MAD2L2: variants seen among roughly 807,000 people sequenced by gnomAD.
The protein encoded by MAD2L2 is mitotic arrest deficient 2 like 2, also known as mitotic spindle assembly checkpoint protein MAD2B.
Under a neutral mutation model 30.5 loss-of-function variants are expected in MAD2L2, and 17 were observed. That is an observed-to-expected ratio of 0.56 (90% CI 0.38 to 0.84). MAD2L2 has a LOEUF of 0.84. MAD2L2 is among the 40% of genes least tolerant of loss of function. The probability of loss-of-function intolerance (pLI) is 0.00; values close to 1 mark genes in which losing one functional copy is unlikely to be tolerated. For synonymous variants in MAD2L2, 101 were observed against 113.9 expected, an observed-to-expected ratio of 0.89 and a Z score of 0.72; for missense variants, 213 against 277.4, an observed-to-expected ratio of 0.77 and a Z score of 1.65.
chr1:11,676,334 C>G (rs1205077461), intron 5 of MAD2L2, among the ~76,000 whole-genome samples, 194 bp from the exon 6 acceptor site: 1 of 152,126 alleles, frequency 6.6e-6, no homozygotes, highest in Non-Finnish European at 1.5e-5. Context: ...CCAGCCCCAC[C>G]CCAGATAAAG....
upstream of MAD2L2, among the ~76,000 whole-genome samples, chr1:11,683,092 T>C (rs1301368157): frequency 5.9e-5 from 9 of 152,134 alleles, no homozygotes; most frequent in East Asian, 1.7e-3. Context: ...GGCAACTCCT[T>C]GCAAAGGAGC....
rs1451831604 is a variant in MAD2L2, at chr1:11,674,847, G to T, written c.595-31C>A. On this transcript the variant is annotated intron_variant, in intron 8 of 8. Coordinates refer to ENST00000376692, the MANE Select transcript of MAD2L2 (RefSeq NM_006341.4). The surrounding 1 kb of genome is among the most constrained non-coding windows in gnomAD (Gnocchi z 6.1). Reference sequence around the variant, plus strand: ...GGACACAAGCAAACAGCCACAGTCAGCAAGACAGCCAGGGCATCCCTGCTG... The same window carrying T: ...GGACACAAGCAAACAGCCACAGTCATCAAGACAGCCAGGGCATCCCTGCTG... 2 of 1,612,708 alleles carry T rather than the reference G, an allele frequency of 1.2e-6. No homozygotes were observed. The highest frequency in any genetic ancestry group is 1.7e-6 in the Non-Finnish European group (2 of 1,179,284).
chr1:11,675,206 G>A (rs377086913), intron 7 of MAD2L2, 32 bp from the exon 8 acceptor site: 108 of 1,484,358 alleles, frequency 7.3e-5, no homozygotes, highest in East Asian at 3.7e-4. Flanking sequence ...GGGGGGTGAC[G>A]GGGCTGGGCC....
upstream of MAD2L2, among the ~76,000 whole-genome samples, chr1:11,682,466 C>T (rs1016148506): frequency 7.5e-5 from 10 of 132,898 alleles, no homozygotes; most frequent in Admixed American, 4.1e-4. Context: ...CCCCCTGATG[C>T]CTTCAAACCT....
At chr1:11,681,168 T>C (rs927664903), upstream of MAD2L2, 1 of 152,148 alleles carries the variant, frequency 6.6e-6, no homozygotes, top group Non-Finnish European at 1.5e-5. Flanking sequence ...GGCGCTCCGG[T>C]GGGTCCTAGC....
chr1:11,680,875 A>C, intron 1 of MAD2L2, 164 bp downstream of exon 1: 3 of 928,652 alleles, frequency 3.2e-6, no homozygotes, highest in Non-Finnish European at 4.2e-6. Context: ...GTGCCCCCGA[A>C]AAGGGCAGGG....
In MAD2L2 at chr1:11,687,354, C is replaced by T. The variant is rs553673680; in HGVS notation, c.-692+4059G>A. Among the ~76,000 whole-genome samples, 8 of 152,332 alleles carry T rather than the reference C, an allele frequency of 5.3e-5. No homozygotes were observed. The South Asian group carries it at 1.7e-3, about 32-fold the overall frequency. ...TCCCCGATTCAAGCGATTCTCCTGCCTCAGCCTCCCGAGTAGCTGGGACTA... is the reference window on the plus strand; with the variant it reads ...TCCCCGATTCAAGCGATTCTCCTGCTTCAGCCTCCCGAGTAGCTGGGACTA... On this transcript the variant is annotated intron_variant, in intron 1 of 10. Coordinates refer to the MAD2L2 transcript ENST00000235310. This position sits in a 1 kb window ranked among gnomAD's most constrained non-coding sequence, Gnocchi z 4.1.
At position 11,688,148 on chromosome 1, in the gene MAD2L2, G is replaced by A. The variant is rs766674979; in HGVS notation, c.-692+3265C>T. 4.6e-5 allele frequency among the ~76,000 whole-genome samples: 7 copies of A among 152,138 alleles called. No individual in the cohort carries two copies. The highest frequency in any genetic ancestry group is 2.0e-4 in the Admixed American group (3 of 15,264). Reference sequence around the variant, plus strand: ...TATCCTTGGCGACGCAAATCATGCTGGCTGCACACTGCCCCCTCTCCCAGG... The same window carrying A: ...TATCCTTGGCGACGCAAATCATGCTAGCTGCACACTGCCCCCTCTCCCAGG... On this transcript the variant is annotated intron_variant, in intron 1 of 10. Transcript: ENST00000235310. This position sits in a 1 kb window ranked among gnomAD's most constrained non-coding sequence, Gnocchi z 4.6.
In MAD2L2 at chr1:11,687,890, T is replaced by C. The variant is rs1640987015; in HGVS notation, c.-692+3523A>G. ...TCAGTTGATGAATATTGGAGCCTGC[T>C]TTGGCCCCTCAAGTACCTCATTTTA... On this transcript the variant is annotated intron_variant, in intron 1 of 10. Transcript: ENST00000235310. The surrounding 1 kb of genome is among the most constrained non-coding windows in gnomAD (Gnocchi z 4.1). 6.6e-6 allele frequency among the ~76,000 whole-genome samples: 1 copy of C among 152,210 alleles called. No individual in the cohort carries two copies. The highest frequency in any genetic ancestry group is 2.4e-5 in the African/African-American group (1 of 41,450).
In MAD2L2 at chr1:11,676,848, C is replaced by G. The variant is rs762759848; in HGVS notation, c.332G>C (p.Ser111Thr). 2 of 1,613,632 alleles carry G rather than the reference C, an allele frequency of 1.2e-6. No individual in the cohort carries two copies. Among genetic ancestry groups the G allele is most frequent in the East Asian group, 4.5e-5 (2 of 44,880 alleles). Residue 111 changes from serine to threonine, a missense_variant and splice_region_variant, in exon 5 of 9, where the codon AGC (serine) becomes ACC (threonine). Physicochemically the swap from Ser to Thr is moderately conservative, Grantham distance 58. Coordinates refer to ENST00000376692, the MANE Select transcript of MAD2L2 (RefSeq NM_006341.4). ...TGGGCGAGGGGCAGGGGCAGCCCAC[C>G]TGATGGACAGCAGTGGAGGCTGGGT... Reference protein sequence around the residue: ...EITQPPLLSISSDSLLSHVEQ... With the variant: ...EITQPPLLSITSDSLLSHVEQ...
In MAD2L2 at chr1:11,680,476, A is replaced by G. The variant is rs747106512; in HGVS notation, c.41-5T>C. ...CGCAGAGCACATCGGCCACCACTGC[A>G]GGGGGGCACAAGCCGGTGGCGCGCT... On this transcript the variant is annotated splice_polypyrimidine_tract_variant and splice_region_variant and intron_variant, in intron 2 of 8. Coordinates refer to ENST00000376692, the MANE Select transcript of MAD2L2 (RefSeq NM_006341.4). The G allele has an allele frequency of 1.2e-6, 2 of 1,608,008 alleles. No individual in the cohort carries two copies. The highest frequency in any genetic ancestry group is 1.7e-6 in the Non-Finnish European group (2 of 1,177,814).
Position 11,688,517 on chromosome 1 carries a change from C to T in MAD2L2, c.-692+2896G>A, listed in dbSNP as rs554569908. Among the ~76,000 whole-genome samples, 14 of 151,794 alleles carry T rather than the reference C, an allele frequency of 9.2e-5. No homozygotes were observed. Among genetic ancestry groups the T allele is most frequent in the African/African-American group, 2.4e-5 (1 of 41,358 alleles). Reference sequence around the variant, plus strand: ...CAGAGGTTGCAGTGAGCCAAGATCGCGCCACTGCACTCCAGCCTGGACAAC... The same window carrying T: ...CAGAGGTTGCAGTGAGCCAAGATCGTGCCACTGCACTCCAGCCTGGACAAC... On this transcript the variant is annotated intron_variant, in intron 1 of 10. Coordinates refer to the MAD2L2 transcript ENST00000235310. This position sits in a 1 kb window ranked among gnomAD's most constrained non-coding sequence, Gnocchi z 4.6.
chr1:11,686,170 G>A (rs920670267), intron 1 of MAD2L2, among the ~76,000 whole-genome samples: 1 of 151,966 alleles, frequency 6.6e-6, no homozygotes, highest in African/African-American at 2.4e-5. Context: ...CAACTCCCAA[G>A]GTGCCCTAGG....
At chr1:11,676,992 C>T in intron 4 of MAD2L2, 44 bp from the exon 5 acceptor site, 1 of 1,424,450 alleles carries the variant, frequency 7.0e-7, no homozygotes, top group Non-Finnish European at 9.9e-7. Flanking sequence ...GCACCCCACC[C>T]CGACTACACC....
upstream of MAD2L2, among the ~76,000 whole-genome samples, chr1:11,683,879 GAC>G (rs780211487): frequency 1.3e-5 from 2 of 152,202 alleles, no homozygotes; most frequent in Non-Finnish European, 2.9e-5. Flanking sequence ...GCTGAGGCAG[GAC>G]AGTCACTTGA....
At chr1:11,684,192 C>CCGAGTCAGCATGGGCCCAT (rs1553168643), upstream of MAD2L2, among the ~76,000 whole-genome samples, 2 of 152,132 alleles carry the variant, frequency 1.3e-5, no homozygotes, top group African/African-American at 2.4e-5. Context: ...GGGCAGGGGG[C>CCGAGTCAGCATGGGCCCAT]CGAGTCAGCA....
In MAD2L2 at chr1:11,674,554, G is replaced by A. The variant is rs1349039299; in HGVS notation, c.*221C>T. 2.3e-5 allele frequency: 13 copies of A among 562,310 alleles called. No homozygotes were observed. The highest frequency in any genetic ancestry group is 6.1e-5 in the South Asian group (3 of 49,436). 34.8% of individuals were successfully genotyped at this position (562,310 alleles called of 1,614,324 possible). A position where few individuals can be genotyped will look rare whatever the true frequency, so the allele number is the denominator to read the frequency against. ...TTTGAGACAGACAGTGTTGGCCGGC[G>A]GAACCCCAGGAGGCTGAGAAGTCGA... On this transcript the variant is annotated 3_prime_UTR_variant, in exon 9 of 9. Transcript: ENST00000376692. The surrounding 1 kb of genome is among the most constrained non-coding windows in gnomAD (Gnocchi z 6.1).
At chr1:11,691,021 G>C (rs533511076) in intron 1 of MAD2L2, among the ~76,000 whole-genome samples, 55 of 152,258 alleles carry the variant, frequency 3.6e-4, no homozygotes, top group Non-Finnish European at 6.2e-4. Context: ...TGCGCCGTCA[G>C]CGCCCCAGGT....
At chr1:11,685,925 C>T (rs1640948947), upstream of MAD2L2, among the ~76,000 whole-genome samples, 1 of 152,054 alleles carries the variant, frequency 6.6e-6, no homozygotes, top group Non-Finnish European at 1.5e-5. Context: ...GCACTCCAAC[C>T]TGGGTTATAA....
Sources: allele counts gnomAD v4.1 joint callset (sites outside exome capture counted in the v4.1 genomes callset), GRCh38; gene constraint gnomAD v4.1.1; non-coding constraint Gnocchi (gnomAD v3.1); transcripts MANE v1.5; gene names NCBI Gene and HGNC (gene_info 2026-07-23, HGNC 2026-07-21).